Variants in DNAH3 observed in about 807,000 individuals in gnomAD.
DNAH3 encodes the protein axonemal beta dynein heavy chain 3.
DNAH3 carries 332 observed loss-of-function variants against 432.5 expected under a neutral mutation model. The observed-to-expected ratio is 0.77, with a 90% confidence interval of 0.70 to 0.84. The LOEUF (loss-of-function observed/expected upper bound fraction) is 0.84. Ranked by LOEUF, DNAH3 falls within the 40% of genes least tolerant of loss-of-function variation. The pLI is 0.00. For synonymous variants in DNAH3, 1,956 were observed against 1,900.2 expected (o/e 1.03, Z -0.76); for missense variants, 4,861 against 5,114.0 (o/e 0.95, Z 1.51).
chr16:20,975,086 C>CTCCCAAAG, intron 51 of DNAH3, 147 bp downstream of exon 51: 3 of 870,748 alleles, frequency 3.4e-6, no homozygotes, highest in East Asian at 2.6e-5. Context: ...CTCCCTTGGT[C>CTCCCAAAG]TCCCAAAGTG....
At chr16:21,060,141 G>A (rs2084334910) in intron 26 of DNAH3, 123 bp downstream of exon 26, 2 of 743,842 alleles carry the variant, frequency 2.7e-6, no homozygotes, top group Admixed American at 3.8e-5. Flanking sequence ...AAAGAGAGGT[G>A]CAGAGGGACA....
chr16:21,125,180 G>A, exon 9 of DNAH3: 1 of 1,600,966 alleles, frequency 6.2e-7, no homozygotes, highest in Non-Finnish European at 8.5e-7. Context: ...CTTACTTTGT[G>A]TATCATGAAA....
intron 3 of DNAH3, among the ~76,000 whole-genome samples, chr16:21,144,369 A>G (rs1359094200): frequency 6.6e-6 from 1 of 152,138 alleles, no homozygotes; most frequent in African/African-American, 2.4e-5. Flanking sequence ...GGAAGCCAGA[A>G]GCCATGTTGT....
At chr16:21,020,508 T>G (rs567057627) in intron 40 of DNAH3, among the ~76,000 whole-genome samples, 3 of 146,280 alleles carry the variant, frequency 2.1e-5, no homozygotes, top group Non-Finnish European at 4.5e-5. Flanking sequence ...GTTCAAGTGA[T>G]TCTCCTGCCT....
intron 40 of DNAH3, among the ~76,000 whole-genome samples, chr16:21,021,404 C>T (rs1028681384): frequency 1.3e-5 from 2 of 152,172 alleles, no homozygotes; most frequent in African/African-American, 4.8e-5. Context: ...AATTACTACT[C>T]TCATTATGTA....
chr16:21,084,302 A>C (rs933707419), intron 19 of DNAH3, among the ~76,000 whole-genome samples: 5 of 151,070 alleles, frequency 3.3e-5, no homozygotes, highest in Admixed American at 6.6e-5. Flanking sequence ...TATTATGGTT[A>C]GAATTTTTTT....
chr16:20,985,055 C>T, intron 48 of DNAH3: 1 of 1,599,064 alleles, frequency 6.3e-7, no homozygotes, highest in Non-Finnish European at 8.5e-7. Context: ...TTACCGAGGA[C>T]AATGTGAAGG....
chr16:21,072,454 G>A (rs943399899), intron 21 of DNAH3, among the ~76,000 whole-genome samples: 14 of 151,654 alleles, frequency 9.2e-5, no homozygotes, highest in African/African-American at 3.2e-4. Context: ...AGCCTCCTGC[G>A]TAGCTGGGAT....
intron 41 of DNAH3, among the ~76,000 whole-genome samples, chr16:21,009,965 GGAGAAGAGAA>G (rs144168527): frequency 4.0e-5 from 6 of 148,200 alleles, no homozygotes; most frequent in East Asian, 2.0e-4. Flanking sequence ...GAAGGGAAGA[GGAGAAGAGAA>G]GAGAAGAGAA....
chr16:20,949,506 A>T (rs1240902515), intron 56 of DNAH3, among the ~76,000 whole-genome samples: 1 of 152,130 alleles, frequency 6.6e-6, no homozygotes, highest in African/African-American at 2.4e-5. Context: ...ACTTTATCAT[A>T]GGTATGTATG....
intron 41 of DNAH3, among the ~76,000 whole-genome samples, chr16:21,005,681 AT>A (rs150056370): frequency 0.32 from 46,408 of 145,544 alleles, 7,250 homozygotes; most frequent in South Asian, 0.46. Context: ...GCCCAGCCTC[AT>A]TTTTTTTTTT....
chr16:20,961,766 T>G (rs1383166544), intron 53 of DNAH3, among the ~76,000 whole-genome samples: 1 of 148,680 alleles, frequency 6.7e-6, no homozygotes, highest in Non-Finnish European at 1.5e-5. Context: ...GGTTTTTTTT[T>G]TTTTTTTTTT....
intron 44 of DNAH3, among the ~76,000 whole-genome samples, chr16:20,994,696 CTG>C (rs1393370754): frequency 6.6e-6 from 1 of 152,144 alleles, no homozygotes; most frequent in Non-Finnish European, 1.5e-5. Context: ...CTTTTTGTCT[CTG>C]TCAATTTGAC....
At chr16:21,136,179 T>C (rs992147341) in intron 6 of DNAH3, 145 bp downstream of exon 7, 1 of 730,758 alleles carries the variant, frequency 1.4e-6, no homozygotes, top group Non-Finnish European at 2.2e-6. Context: ...TTTGGGAGGC[T>C]AAGGAGGGAG....
At chr16:21,039,802 G>A in intron 33 of DNAH3, 50 bp downstream of exon 33, 1 of 1,344,502 alleles carries the variant, frequency 7.4e-7, no homozygotes. Context: ...CACGCAAAAA[G>A]CCGCTATTTA....
intron 38 of DNAH3, 51 bp from the exon 39 acceptor site, chr16:21,024,752 C>T (rs558795273): frequency 1.5e-5 from 21 of 1,391,842 alleles, no homozygotes; most frequent in Middle Eastern, 3.6e-4. Context: ...GTTACTAATA[C>T]GGGTTAACAT....
chr16:20,941,361 G>A (rs1190217898), intron 59 of DNAH3, 40 bp downstream of exon 59: 20 of 1,611,196 alleles, frequency 1.2e-5, no homozygotes, highest in East Asian at 2.2e-5. Flanking sequence ...TACTCCTCAC[G>A]TTCCAACTCC....
Position 20,964,300 on chromosome 16 carries a change from A to G in DNAH3, c.9584T>C (p.Met3195Thr), listed in dbSNP as rs1480852084. ...ATCTTGGAGACCCAAGGGGGTGATC[A>G]TGAAGTTGAGGAGACAGACCTTCAC... is the stretch of plus-strand genomic sequence containing the variant. The change falls in exon 53 of 62, where the codon ATG becomes ACG. Residue 3195 changes from methionine to threonine, a missense_variant. Coordinates refer to ENST00000261383, the Ensembl canonical transcript of DNAH3. The G allele has an allele frequency of 3.1e-6, 5 of 1,614,086 alleles. No individual in the cohort carries two copies. The Admixed American group carries it at 5.0e-5, about 16-fold the overall frequency.
At chr16:21,081,643 C>A (rs139309046) in exon 20 of DNAH3, 7 of 1,613,276 alleles carry the variant, frequency 4.3e-6, no homozygotes, top group African/African-American at 1.3e-5. Flanking sequence ...TACTTTTCAA[C>A]GAATTTGCCG....
Sources: gnomAD v4.1 joint callset for allele counts (sites outside exome capture counted in the v4.1 genomes callset) on GRCh38, gnomAD v4.1.1 for gene constraint, MANE v1.5 for transcripts, NCBI Gene and HGNC (gene_info 2026-07-23, HGNC 2026-07-21) for gene names.